The following MTHFD1L variants were observed in gnomAD, a reference collection of about 807,000 sequenced individuals.
MTHFD1L encodes the protein monofunctional C1-tetrahydrofolate synthase, mitochondrial.
Under a neutral mutation model 119.5 loss-of-function variants are expected in MTHFD1L, and 81 were observed. The observed-to-expected ratio is 0.68, with a 90% CI of 0.57 to 0.82. The LOEUF (loss-of-function observed/expected upper bound fraction) is 0.82, where lower values mean the gene tolerates loss of function less well. MTHFD1L is among the 40% of genes least tolerant of loss of function. The pLI is 0.00. For missense variants in MTHFD1L, 1,125 were observed against 1,253.4 expected (o/e 0.90, Z 1.55); for synonymous variants, 430 against 475.2 (o/e 0.90, Z 1.24).
chr6:151,021,250 G>A (rs1046026836), intron 24 of MTHFD1L, among the ~76,000 whole-genome samples: 6 of 152,086 alleles, frequency 3.9e-5, no homozygotes, highest in African/African-American at 1.4e-4. Flanking sequence ...CTGGAACATA[G>A]AAAGCAGGCA....
chr6:151,003,148 A>G (rs1048773466), intron 20 of MTHFD1L, among the ~76,000 whole-genome samples: 17 of 152,174 alleles, frequency 1.1e-4, no homozygotes, highest in African/African-American at 3.6e-4. Flanking sequence ...CTGAATTCAA[A>G]TTTACCTGGA....
intron 1 of MTHFD1L, among the ~76,000 whole-genome samples, chr6:150,874,766 C>CTT (rs758695006): frequency 5.5e-5 from 8 of 145,268 alleles, no homozygotes; most frequent in South Asian, 2.2e-4. Context: ...GCTCCTAACA[C>CTT]TTTTTTTTTT....
rs1792457446 is a variant in MTHFD1L at position 150,938,229 on chromosome 6, G to A, written c.1394-470G>A. ...GATAGGGTTTCATCATGTTGGCCAG[G>A]CCGGTCTCGAACTCCTGACCTCAAG... On this transcript the variant is annotated intron_variant, in intron 12 of 27. Coordinates refer to ENST00000367321, the MANE Select transcript of MTHFD1L (RefSeq NM_015440.5). 2.0e-5 allele frequency among the ~76,000 whole-genome samples: 3 copies of A among 152,036 alleles called. 1 individual carries two copies. Among genetic ancestry groups the A allele is most frequent in the East Asian group, 3.9e-4 (2 of 5,152 alleles).
At position 150,905,693 on chromosome 6, in the gene MTHFD1L, A is replaced by G. The variant is rs781652142; in HGVS notation, c.824A>G (p.Glu275Gly). 1 of 1,614,162 alleles carries G rather than the reference A, an allele frequency of 6.2e-7. No homozygotes were observed. Residue 275 changes from glutamate (E) to glycine (G), a missense_variant, in exon 8 of 28, where the codon GAA becomes GGA. Glu to Gly is a moderately conservative substitution (Grantham distance 98). Coordinates refer to ENST00000367321, the MANE Select transcript of MTHFD1L (RefSeq NM_015440.5). ...DIVVLGSPKP[E>G]EIPLTWIQPG... ...GTGGTCCTAGGCTCACCTAAGCCAG[A>G]AGAGATTCCCCTTACTTGGATACAA... is the stretch of plus-strand genomic sequence containing the variant.
intron 13 of MTHFD1L, among the ~76,000 whole-genome samples, chr6:150,942,461 G>A (rs370884510): frequency 6.6e-5 from 10 of 152,076 alleles, no homozygotes; most frequent in South Asian, 4.1e-4. Flanking sequence ...GTGTTTTACC[G>A]TGCATATCCT....
chr6:150,872,001 C>A (rs1420120844), intron 1 of MTHFD1L, among the ~76,000 whole-genome samples: 2 of 151,782 alleles, frequency 1.3e-5, no homozygotes, highest in Admixed American at 6.6e-5. Context: ...CTTCAGCCTC[C>A]CGAGTAGCTG....
rs562992052 is a variant in MTHFD1L at position 150,959,313 on chromosome 6, TGCGTAA to T, written c.1804-959_1804-954del. On this transcript the variant is annotated intron_variant, in intron 17 of 27. Transcript: ENST00000367321. The stretch of plus-strand genomic sequence containing the variant: ...CACCAGGGCACAGCCATTCTCTCTC[TGCGTAA>T]GCTTGAACTTGTCTGGCTCACACTC... The T allele has an allele frequency of 3.6e-5, 21 of 577,518 alleles. No homozygotes were observed. The East Asian group carries it at 1.9e-3, about 51-fold the overall frequency. The allele number at this position is 577,518 out of a possible 1,614,324, so 35.8% of individuals were successfully genotyped here.
At chr6:150,923,338 C>T (rs1421793299) in intron 10 of MTHFD1L, among the ~76,000 whole-genome samples, 4 of 151,936 alleles carry the variant, frequency 2.6e-5, no homozygotes, top group Non-Finnish European at 5.9e-5. Flanking sequence ...CAGACAGCTG[C>T]ATTTTCCAGC....
chr6:151,067,896 A>T (rs1304748585), intron 26 of MTHFD1L, among the ~76,000 whole-genome samples: 1 of 152,182 alleles, frequency 6.6e-6, no homozygotes, highest in Non-Finnish European at 1.5e-5. Flanking sequence ...ACACCAGCCA[A>T]ATGAACTCTG....
In MTHFD1L at chr6:150,917,910, A is replaced by G. The variant is rs555044957; in HGVS notation, c.893-667A>G. On this transcript the variant is annotated intron_variant, in intron 8 of 27. Coordinates refer to ENST00000367321, the MANE Select transcript of MTHFD1L (RefSeq NM_015440.5). ...TATTATTTCTATCTCTAATTATGCC[A>G]TAATTTAAAAATCAGAATACTTGGG... Among the ~76,000 whole-genome samples, 10 of 152,316 alleles carry G rather than the reference A, an allele frequency of 6.6e-5. No individual in the cohort carries two copies. In the East Asian group the frequency reaches 1.7e-3, roughly 26 times the overall value.
intron 25 of MTHFD1L, 86 bp downstream of exon 25, chr6:151,034,686 G>A (rs370087803): frequency 2.3e-5 from 19 of 835,900 alleles, no homozygotes; most frequent in South Asian, 5.7e-5. Flanking sequence ...TGTACATATC[G>A]CACCAGCTAA....
intron 5 of MTHFD1L, among the ~76,000 whole-genome samples, chr6:150,883,893 A>G (rs1299657936): frequency 6.6e-6 from 1 of 152,084 alleles, no homozygotes; most frequent in African/African-American, 2.4e-5. Context: ...GATCCGGTAG[A>G]CCCTGCAGGG....
At chr6:150,883,621 CA>C (rs1306068954) in intron 5 of MTHFD1L, among the ~76,000 whole-genome samples, 1 of 152,078 alleles carries the variant, frequency 6.6e-6, no homozygotes, top group Non-Finnish European at 1.5e-5. Context: ...CTTAATGACA[CA>C]AGGTTTTATT....
intron 20 of MTHFD1L, among the ~76,000 whole-genome samples, chr6:150,978,214 C>G (rs1776915479): frequency 6.6e-6 from 1 of 151,522 alleles, no homozygotes; most frequent in African/African-American, 2.4e-5. Context: ...TTTTTTTAAC[C>G]TGGAGAAAAT....
rs1255370080 is a variant in MTHFD1L, at chr6:150,878,197, A to T, written c.417+371A>T. ...CTTTTCTTCCTACTGGCTTCATGTG[A>T]CAGAAAACCTCAAATAATGGAATCT... On this transcript the variant is annotated intron_variant, in intron 4 of 27. Coordinates refer to ENST00000367321, the MANE Select transcript of MTHFD1L (RefSeq NM_015440.5). 2.0e-5 allele frequency among the ~76,000 whole-genome samples: 3 copies of T among 151,832 alleles called. 1 individual carries two copies.
At chr6:151,044,753 CTT>C (rs1355340682) in intron 26 of MTHFD1L, among the ~76,000 whole-genome samples, 1 of 152,174 alleles carries the variant, frequency 6.6e-6, no homozygotes, top group Non-Finnish European at 1.5e-5. Flanking sequence ...CCTGCCACAT[CTT>C]TACCCAGGTG....
intron 18 of MTHFD1L, 101 bp downstream of exon 18, chr6:150,960,516 G>A (rs1796280495): frequency 1.4e-6 from 2 of 1,430,452 alleles, no homozygotes; most frequent in African/African-American, 1.4e-5. Context: ...AGTGTAATGA[G>A]GATACAGAAA....
chr6:150,867,181 T>G (rs9322288), intron 1 of MTHFD1L, among the ~76,000 whole-genome samples: 80,446 of 151,736 alleles, frequency 0.53, 22,785 homozygotes, highest in African/African-American at 0.74. Flanking sequence ...TATTTAGTTT[T>G]TCTTGTTCTC....
At chr6:150,886,435 CAA>C (rs996165446) in intron 6 of MTHFD1L, among the ~76,000 whole-genome samples, 4,291 of 69,518 alleles carry the variant, frequency 0.062, 184 homozygotes, top group African/African-American at 0.21. Flanking sequence ...GACCCTGCCT[CAA>C]AAAAAAAAAA....
Sources: gnomAD v4.1 joint callset for allele counts (sites outside exome capture counted in the v4.1 genomes callset) on GRCh38, gnomAD v4.1.1 for gene constraint, MANE v1.5 for transcripts, NCBI Gene and HGNC (gene_info 2026-07-23, HGNC 2026-07-21) for gene names.